Variants in TBCD observed in about 807,000 individuals in gnomAD.
TBCD encodes tubulin-specific chaperone D.
In TBCD, 105 loss-of-function variants were observed where a neutral mutation model predicts 169.3. The observed-to-expected ratio is 0.62, with a 90% CI of 0.53 to 0.73. TBCD has a LOEUF of 0.73. TBCD is among the 30% of genes least tolerant of loss of function. The pLI is 0.00. For synonymous variants in TBCD, 700 were observed against 643.9 expected (o/e 1.09, Z -1.32); for missense variants, 1,444 against 1,600.1 (o/e 0.90, Z 1.66).
intron 13 of TBCD, among the ~76,000 whole-genome samples, chr17:82,815,654 A>G (rs116063839): frequency 2.2e-3 from 338 of 152,300 alleles, no homozygotes; most frequent in African/African-American, 7.5e-3. Context: ...GAAGGAAAGG[A>G]TGTCTGTACA....
At position 82,814,870 on chromosome 17, in the gene TBCD, G is replaced by A. The variant is rs367985432; in HGVS notation, c.1254G>A (p.Gly418=). ...SFQETDKAWH[G]GCLALAELGR... is the part of the protein sequence containing the mutation. ...AGGAGACTGACAAGGCGTGGCATGG[G>A]GGATGTCTGGCGCTGGCAGAGCTGG... Residue 418 remains glycine (G), a synonymous_variant, in exon 13 of 39, where the codon GGG becomes GGA. Transcript: ENST00000355528. The A allele has an allele frequency of 1.3e-4, 212 of 1,613,602 alleles. No individual in the cohort carries two copies. Among genetic ancestry groups the A allele is most frequent in the Admixed American group, 2.3e-4 (14 of 59,982 alleles).
chr17:82,815,647 G>A (rs1346238866), intron 13 of TBCD, among the ~76,000 whole-genome samples: 2 of 152,238 alleles, frequency 1.3e-5, no homozygotes, highest in Non-Finnish European at 2.9e-5. Flanking sequence ...AGGGCAGGAA[G>A]GAAAGGATGT....
At position 82,880,807 on chromosome 17, in the gene TBCD, G is replaced by C. The variant is rs529243891; in HGVS notation, c.1476-3338G>C. On this transcript the variant is annotated intron_variant, in intron 14 of 38. Coordinates refer to ENST00000355528, the MANE Select transcript of TBCD (RefSeq NM_005993.5). This position sits in a 1 kb window ranked among gnomAD's most constrained non-coding sequence, Gnocchi z 5.0. ...GTCGGAGCATAGCAGTGGCCCGTAC[G>C]TGAGGGACTTTGTTGTTGCCGTCTC... is the stretch of plus-strand genomic sequence containing the variant. Among the ~76,000 whole-genome samples, 1 of 152,232 alleles carries C rather than the reference G, an allele frequency of 6.6e-6. No homozygotes were observed. The highest frequency in any genetic ancestry group is 1.5e-5 in the Non-Finnish European group (1 of 68,034).
chr17:82,768,504 C>G lies in TBCD; in HGVS notation c.520C>G (p.Leu174Val). 6.2e-7 allele frequency: 1 copy of G among 1,613,712 alleles called. No homozygotes were observed. Among genetic ancestry groups the G allele is most frequent in the Non-Finnish European group, 8.5e-7 (1 of 1,179,802 alleles). ...TGATTTTTCTCGCCTTGACGGGAAC[C>G]TCCTCACCCAGCCTGGGCAAGCACG... is the stretch of plus-strand genomic sequence containing the variant. ...PFDFSRLDGN[L>V]LTQPGQARMS... Residue 174 changes from leucine to valine, a missense_variant, in exon 5 of 39, where the codon CTC becomes GTC. By Grantham distance (32) the Leu-to-Val change is conservative. Coordinates refer to ENST00000355528, the MANE Select transcript of TBCD (RefSeq NM_005993.5).
intron 37 of TBCD, 116 bp from the exon 38 acceptor site, chr17:82,941,283 G>A (rs890982835): frequency 3.2e-5 from 26 of 805,970 alleles, no homozygotes; most frequent in South Asian, 1.9e-4. Context: ...TATGGATGTC[G>A]GGGGTGAGGT....
chr17:82,894,301 G>T (rs2059340042), intron 17 of TBCD, among the ~76,000 whole-genome samples: 1 of 152,132 alleles, frequency 6.6e-6, no homozygotes, highest in South Asian at 2.1e-4. Flanking sequence ...GCAGAAATGT[G>T]AAAAAGGGTG....
chr17:82,772,696 C>T (rs889185271), intron 6 of TBCD, among the ~76,000 whole-genome samples, 189 bp downstream of exon 6: 1 of 152,206 alleles, frequency 6.6e-6, no homozygotes, highest in South Asian at 2.1e-4. Context: ...CCTGAAATGA[C>T]CACCCTCAGT....
intron 22 of TBCD, 97 bp downstream of exon 22, chr17:82,909,404 C>A: frequency 9.4e-7 from 1 of 1,059,290 alleles, no homozygotes; most frequent in Non-Finnish European, 1.4e-6. Context: ...TCCCTCTCTG[C>A]CTATGTGTGT....
At position 82,944,996 on chromosome 17, in the gene TBCD, A is replaced by C. The variant is rs909108295; in HGVS notation, c.*2533A>C. 3 of 152,228 alleles carry C rather than the reference A, an allele frequency of 2.0e-5. No homozygotes were observed. The highest frequency in any genetic ancestry group is 7.2e-5 in the African/African-American group (3 of 41,454). 9.4% of individuals were successfully genotyped at this position (152,228 alleles called of 1,614,324 possible). On this transcript the variant is annotated 3_prime_UTR_variant, in exon 39 of 39. Coordinates refer to ENST00000355528, the MANE Select transcript of TBCD (RefSeq NM_005993.5). ...TGATCCCCAAAACTCCTAAAGTGGA[A>C]AATTTGATTGACTTGGCCCTGACCA... is the stretch of plus-strand genomic sequence containing the variant.
At chr17:82,876,640 A>T (rs1380964061) in intron 14 of TBCD, among the ~76,000 whole-genome samples, 2 of 152,252 alleles carry the variant, frequency 1.3e-5, no homozygotes, top group East Asian at 3.8e-4. Flanking sequence ...ATTTGTTGTA[A>T]GTCCATATAT....
chr17:82,921,183 T>G, intron 24 of TBCD: 1 of 420,304 alleles, frequency 2.4e-6, no homozygotes. Context: ...TTTATATTGG[T>G]GGGAGCCGGG....
At chr17:82,853,781 A>G (rs1456145918) in intron 13 of TBCD, among the ~76,000 whole-genome samples, 2 of 151,834 alleles carry the variant, frequency 1.3e-5, no homozygotes, top group African/African-American at 4.8e-5. Context: ...TGCATTTTAG[A>G]TGTATGTTGA....
intron 21 of TBCD, chr17:82,908,217 T>C (rs1252663479): frequency 6.9e-6 from 3 of 432,062 alleles, no homozygotes; most frequent in Non-Finnish European, 1.4e-5. Context: ...CAGCCAACTC[T>C]GGGTGGGGGC....
chr17:82,905,192 G>T (rs184908110), intron 19 of TBCD, among the ~76,000 whole-genome samples: 1 of 152,178 alleles, frequency 6.6e-6, no homozygotes, highest in Non-Finnish European at 1.5e-5. Flanking sequence ...CCCCTCCACC[G>T]CCCAGGCAGC....
intron 7 of TBCD, among the ~76,000 whole-genome samples, chr17:82,791,662 C>T (rs765205379): frequency 1.3e-5 from 2 of 152,202 alleles, no homozygotes; most frequent in Non-Finnish European, 2.9e-5. Context: ...AGCTGGAATA[C>T]TGTAATGCTG....
At chr17:82,805,777 G>T in intron 9 of TBCD, 98 bp from the exon 10 acceptor site, 2 of 1,410,076 alleles carry the variant, frequency 1.4e-6, no homozygotes, top group South Asian at 2.7e-5. Context: ...ATTTTCACAG[G>T]CACGCTTTAA....
At chr17:82,871,587 C>T (rs1168450894) in intron 14 of TBCD, among the ~76,000 whole-genome samples, 5 of 152,234 alleles carry the variant, frequency 3.3e-5, no homozygotes, top group Admixed American at 1.3e-4. Flanking sequence ...CACTACAAGA[C>T]GCCTGAAGGG....
In TBCD at chr17:82,924,924, G is replaced by C; in HGVS notation, c.2261-15G>C. 3 of 1,552,130 alleles carry C rather than the reference G, an allele frequency of 1.9e-6. No homozygotes were observed. The highest frequency in any genetic ancestry group is 2.6e-6 in the Non-Finnish European group (3 of 1,146,508). ...CAGCAGAGGGCCTCTCTTCACACTCGTTGCTTCCTTTCAGAGGAGCTGATC... is the reference window on the plus strand; with the variant it reads ...CAGCAGAGGGCCTCTCTTCACACTCCTTGCTTCCTTTCAGAGGAGCTGATC... On this transcript the variant is annotated splice_polypyrimidine_tract_variant and intron_variant, in intron 26 of 38. Transcript: ENST00000355528.
intron 13 of TBCD, among the ~76,000 whole-genome samples, chr17:82,818,161 A>G (rs2052093341): frequency 6.6e-6 from 1 of 152,230 alleles, no homozygotes; most frequent in South Asian, 2.1e-4. Flanking sequence ...ATGGTTCAGA[A>G]ACTGACACGT....
Sources: allele counts gnomAD v4.1 joint callset (sites outside exome capture counted in the v4.1 genomes callset), GRCh38; gene constraint gnomAD v4.1.1; non-coding constraint Gnocchi (gnomAD v3.1); transcripts MANE v1.5; gene names NCBI Gene and HGNC (gene_info 2026-07-23, HGNC 2026-07-21).